The following RYR3 variants were observed in gnomAD, a reference collection of about 807,000 sequenced individuals.
The protein encoded by RYR3 is ryanodine receptor 3, also known as brain ryanodine receptor-calcium release channel.
A neutral mutation model predicts 584.3 loss-of-function variants in RYR3; 207 were observed. The ratio of observed to expected loss-of-function variants is 0.35; its 90% CI spans 0.32 to 0.40. The LOEUF (loss-of-function observed/expected upper bound fraction) is 0.40, where lower values mean the gene tolerates loss of function less well. Ranked by LOEUF, RYR3 falls within the 10% of genes least tolerant of loss-of-function variation. RYR3 has a pLI of 1.00. For synonymous variants in RYR3, 2,416 were observed against 2,248.5 expected (o/e 1.07, Z -2.11); for missense variants, 5,616 against 6,089.2 (o/e 0.92, Z 2.59).
chr15:33,646,310 G>T, intron 28 of RYR3, 41 bp from the exon 29 acceptor site: 1 of 1,540,520 alleles, frequency 6.5e-7, no homozygotes, highest in Non-Finnish European at 8.8e-7. Context: ...TCAAGGTCAG[G>T]CCCTTTGGTA....
At chr15:33,826,225 A>G (rs1412744808) in intron 82 of RYR3, 27 bp from the exon 83 acceptor site, 3 of 1,612,024 alleles carry the variant, frequency 1.9e-6, no homozygotes, top group Non-Finnish European at 1.7e-6. Context: ...CTTACTTTCT[A>G]TTCTTCTGTT....
intron 48 of RYR3, among the ~76,000 whole-genome samples, chr15:33,735,908 A>G (rs755141102): frequency 1.2e-4 from 19 of 152,250 alleles, no homozygotes; most frequent in Admixed American, 4.6e-4. Flanking sequence ...AGAGATGACT[A>G]GAAAATGAAC....
intron 1 of RYR3, among the ~76,000 whole-genome samples, chr15:33,380,858 T>A (rs1025105285): frequency 6.6e-6 from 1 of 152,228 alleles, no homozygotes; most frequent in Non-Finnish European, 1.5e-5. Flanking sequence ...TTGGTCAGTA[T>A]CATGGCAATC....
chr15:33,522,668 C>G (rs2140978545), intron 3 of RYR3, among the ~76,000 whole-genome samples: 1 of 152,158 alleles, frequency 6.6e-6, no homozygotes, highest in East Asian at 1.9e-4. Context: ...ACTATCTGAT[C>G]CAAAAAAGGT....
intron 16 of RYR3, among the ~76,000 whole-genome samples, chr15:33,590,048 G>C (rs1211791679): frequency 6.6e-6 from 1 of 152,114 alleles, no homozygotes; most frequent in African/African-American, 2.4e-5. Context: ...TGGGTGGGTA[G>C]TGGAAAATTA....
chr15:33,848,578 A>G (rs1013279735), intron 94 of RYR3, among the ~76,000 whole-genome samples, 157 bp downstream of exon 94: 7 of 152,230 alleles, frequency 4.6e-5, no homozygotes, highest in Admixed American at 3.9e-4. Context: ...CTTACTGCCC[A>G]TCAAATACTT....
At chr15:33,811,301 T>C (rs1190406569) in intron 72 of RYR3, among the ~76,000 whole-genome samples, 6 of 151,982 alleles carry the variant, frequency 3.9e-5, no homozygotes, top group Admixed American at 2.6e-4. Context: ...GTCAGGAGAT[T>C]GAGACCATCC....
chr15:33,616,967 A>G (rs2060481416), intron 19 of RYR3, among the ~76,000 whole-genome samples: 2 of 152,238 alleles, frequency 1.3e-5, no homozygotes. Context: ...TGGGTATTCT[A>G]CAACCCAAGT....
rs998957072 is a variant in RYR3, at chr15:33,603,377, C to T, written c.2164+13C>T. On this transcript the variant is annotated intron_variant, in intron 18 of 103. Transcript: ENST00000634891. Reference sequence around the variant, plus strand: ...CACCTTTGGTCAGGTGAGTACCTTGCTAAAGCTTTGGCTCATAATCTCACT... The same window carrying T: ...CACCTTTGGTCAGGTGAGTACCTTGTTAAAGCTTTGGCTCATAATCTCACT... The T allele has an allele frequency of 1.4e-5, 22 of 1,534,210 alleles. No homozygotes were observed. Among genetic ancestry groups the T allele is most frequent in the Non-Finnish European group, 1.8e-5 (20 of 1,139,876 alleles).
chr15:33,819,771 C>G lies in RYR3; in HGVS notation c.10722C>G (p.Asp3574Glu). 3.8e-6 allele frequency: 6 copies of G among 1,560,634 alleles called. No individual in the cohort carries two copies. The highest frequency in any genetic ancestry group is 5.2e-6 in the Non-Finnish European group (6 of 1,149,954). Residue 3574 changes from aspartate (D) to glutamate (E), a missense_variant, in exon 77 of 104, where the codon GAC (aspartate) becomes GAG (glutamate). Physicochemically the swap from Asp to Glu is conservative, Grantham distance 45. Around this residue, in one of 9 missense-constraint regions of RYR3, gnomAD observed 954 missense variants for 1,132.2 expected, o/e 0.84. Coordinates refer to ENST00000634891, the MANE Select transcript of RYR3 (RefSeq NM_001036.6). ...ALTERSKLED[D>E]PLYTSYSSMM... ...TTCTTTCCAGCAAATTGGAAGACGA[C>G]CCTTTGTACACCTCCTATTCCAGCA...
At chr15:33,832,015 C>G (rs1022816627) in intron 86 of RYR3, among the ~76,000 whole-genome samples, 3 of 152,132 alleles carry the variant, frequency 2.0e-5, no homozygotes, top group African/African-American at 7.2e-5. Context: ...ATCATACAGC[C>G]AGATGCGGTG....
chr15:33,351,378 G>C (rs1284847125), intron 1 of RYR3, among the ~76,000 whole-genome samples: 3 of 152,092 alleles, frequency 2.0e-5, no homozygotes, highest in African/African-American at 7.2e-5. Flanking sequence ...CCAATCAATA[G>C]AAAAGAGGGA....
At chr15:33,611,872 T>A (rs1406281093) in intron 18 of RYR3, among the ~76,000 whole-genome samples, 2 of 152,130 alleles carry the variant, frequency 1.3e-5, no homozygotes, top group Non-Finnish European at 2.9e-5. Flanking sequence ...TTGGCCAGGC[T>A]GGTCTCAAAC....
At chr15:33,803,066 A>T (rs2075998752) in intron 69 of RYR3, among the ~76,000 whole-genome samples, 1 of 152,248 alleles carries the variant, frequency 6.6e-6, no homozygotes, top group Admixed American at 6.5e-5. Flanking sequence ...CACCAAGCAT[A>T]GCTAGCTCTA....
chr15:33,756,079 G>C (rs1223650691), intron 58 of RYR3, among the ~76,000 whole-genome samples: 1 of 152,172 alleles, frequency 6.6e-6, no homozygotes, highest in East Asian at 1.9e-4. Flanking sequence ...CAGCCTTGAA[G>C]CTGCTTTCTG....
intron 73 of RYR3, among the ~76,000 whole-genome samples, chr15:33,813,266 A>G (rs2076642146): frequency 1.3e-5 from 2 of 152,254 alleles, no homozygotes; most frequent in Non-Finnish European, 2.9e-5. Context: ...CTATTAGGGA[A>G]TAAATGACTA....
chr15:33,455,960 T>G (rs559282378), intron 1 of RYR3, among the ~76,000 whole-genome samples: 12 of 152,330 alleles, frequency 7.9e-5, no homozygotes, highest in African/African-American at 2.4e-4. Flanking sequence ...TGTTAATGAC[T>G]GTTTCCTTAG....
chr15:33,403,941 A>T (rs1050103981), intron 1 of RYR3, among the ~76,000 whole-genome samples: 5 of 101,958 alleles, frequency 4.9e-5, no homozygotes, highest in Non-Finnish European at 8.9e-5. Context: ...GAGGAGTGGT[A>T]AAAAAAAAAT....
chr15:33,756,490 A>T, intron 59 of RYR3, 117 bp downstream of exon 59: 4 of 764,308 alleles, frequency 5.2e-6, no homozygotes, highest in Non-Finnish European at 6.6e-6. Context: ...AGTGAGGTAC[A>T]TGTATATTTC....
Sources: allele counts gnomAD v4.1 joint callset (sites outside exome capture counted in the v4.1 genomes callset), GRCh38; gene constraint gnomAD v4.1.1; regional missense constraint gnomAD v4.1.1; transcripts MANE v1.5; gene names NCBI Gene and HGNC (gene_info 2026-07-23, HGNC 2026-07-21).